Variants in PATJ observed in about 807,000 individuals in gnomAD.
PATJ encodes the protein PATJ crumbs cell polarity complex component, also known as inaD-like protein.
In PATJ, 190 loss-of-function variants were observed where a neutral mutation model predicts 224.9. The observed-to-expected ratio is 0.84, with a 90% CI of 0.75 to 0.95. The LOEUF (loss-of-function observed/expected upper bound fraction) is 0.95, where lower values mean the gene tolerates loss of function less well. PATJ is among the 40% of genes least tolerant of loss of function. The probability of loss-of-function intolerance (pLI) is 0.00; values close to 1 mark genes in which losing one functional copy is unlikely to be tolerated. For synonymous variants in PATJ, 769 were observed against 820.3 expected, an observed-to-expected ratio of 0.94 and a Z score of 1.07; for missense variants, 2,121 against 2,270.3, an observed-to-expected ratio of 0.93 and a Z score of 1.34.
intron 27 of PATJ, 50 bp from the exon 28 acceptor site, chr1:61,990,118 T>TA: frequency 7.8e-7 from 1 of 1,287,610 alleles, no homozygotes; most frequent in Non-Finnish European, 1.1e-6. Context: ...GACATCTCAA[T>TA]AATACAGATC....
intron 27 of PATJ, among the ~76,000 whole-genome samples, chr1:61,960,287 A>T (rs1681081859): frequency 6.6e-6 from 1 of 152,222 alleles, no homozygotes; most frequent in Non-Finnish European, 1.5e-5. Context: ...CATAATACAT[A>T]TGAAATGCAG....
chr1:62,151,698 A>G (rs1668656775), intron 42 of PATJ, among the ~76,000 whole-genome samples: 1 of 152,234 alleles, frequency 6.6e-6, no homozygotes, highest in Non-Finnish European at 1.5e-5. Context: ...CCATTTTGCA[A>G]ATTTCTCTAA....
intron 22 of PATJ, among the ~76,000 whole-genome samples, chr1:61,890,079 A>G (rs2149102811): frequency 6.6e-6 from 1 of 152,260 alleles, no homozygotes; most frequent in East Asian, 1.9e-4. Flanking sequence ...ATTATGAGTG[A>G]TGTTCATATC....
chr1:62,033,418 A>G (rs1649704742), intron 29 of PATJ, among the ~76,000 whole-genome samples: 1 of 152,196 alleles, frequency 6.6e-6, no homozygotes, highest in South Asian at 2.1e-4. Context: ...GCAGCTCTAG[A>G]GATGTCAGCA....
At chr1:61,814,553 C>CGT (rs1557693700) in intron 14 of PATJ, among the ~76,000 whole-genome samples, 4 of 129,898 alleles carry the variant, frequency 3.1e-5, no homozygotes, top group Non-Finnish European at 4.7e-5. Flanking sequence ...TGTGTGCGCG[C>CGT]GCGCGCGCAT....
At chr1:61,879,268 C>G (rs1371532649) in intron 21 of PATJ, among the ~76,000 whole-genome samples, 2 of 151,984 alleles carry the variant, frequency 1.3e-5, no homozygotes, top group African/African-American at 4.8e-5. Context: ...CACAAGTTGC[C>G]TTGGTTATTC....
chr1:62,130,745 G>A (rs1188366866), intron 41 of PATJ, among the ~76,000 whole-genome samples: 1 of 152,072 alleles, frequency 6.6e-6, no homozygotes, highest in Non-Finnish European at 1.5e-5. Context: ...CAGCTACTGG[G>A]GAGGCTGAGG....
intron 31 of PATJ, among the ~76,000 whole-genome samples, chr1:62,066,387 C>CTT (rs200726650): frequency 4.1e-5 from 6 of 145,002 alleles, no homozygotes; most frequent in African/African-American, 1.3e-4. Context: ...GCTGTGGGAA[C>CTT]TTTTTTTTTT....
At chr1:61,758,417 T>TGG (rs1201380025) in intron 1 of PATJ, among the ~76,000 whole-genome samples, 1 of 152,138 alleles carries the variant, frequency 6.6e-6, no homozygotes, top group Non-Finnish European at 1.5e-5. Flanking sequence ...GGCATGATCT[T>TGG]GGCTCACTGC....
chr1:61,982,275 G>C (rs1479871187), intron 27 of PATJ, among the ~76,000 whole-genome samples: 1 of 152,016 alleles, frequency 6.6e-6, no homozygotes, highest in Non-Finnish European at 1.5e-5. Context: ...TCTGAATCCT[G>C]ACAATAACAA....
At chr1:62,117,768 G>A (rs927920343) in intron 37 of PATJ, among the ~76,000 whole-genome samples, 2 of 150,792 alleles carry the variant, frequency 1.3e-5, no homozygotes, top group Admixed American at 1.3e-4. Flanking sequence ...TTTTTTTTTA[G>A]CAAAGTATAT....
chr1:62,079,576 C>T lies in PATJ; in HGVS notation c.4243+9C>T. The T allele has an allele frequency of 6.5e-7, 1 of 1,540,312 alleles. No homozygotes were observed. The highest frequency in any genetic ancestry group is 9.0e-7 in the Non-Finnish European group (1 of 1,114,366). ...AGACTTCACAGGCTATGGTATGATT[C>T]TTTCTCTCAGCAGATCTGGCTCATT... On this transcript the variant is annotated intron_variant, in intron 32 of 43. Transcript: ENST00000642238.
At chr1:62,042,433 C>T (rs1020337816) in intron 30 of PATJ, among the ~76,000 whole-genome samples, 1 of 152,066 alleles carries the variant, frequency 6.6e-6, no homozygotes, top group Non-Finnish European at 1.5e-5. Flanking sequence ...TCTTTTTCCC[C>T]CTTAGATGTT....
intron 27 of PATJ, among the ~76,000 whole-genome samples, chr1:61,974,170 A>T (rs1643982635): frequency 6.6e-6 from 1 of 151,902 alleles, no homozygotes; most frequent in Admixed American, 6.6e-5. Flanking sequence ...AAGGCTTCAA[A>T]GGACATGTCG....
intron 33 of PATJ, among the ~76,000 whole-genome samples, chr1:62,089,649 A>G (rs1660468097): frequency 1.3e-5 from 2 of 152,240 alleles, no homozygotes; most frequent in South Asian, 4.2e-4. Flanking sequence ...ATTATTTACC[A>G]CAATGCAAAT....
chr1:61,817,445 C>T (rs1461385742), intron 14 of PATJ, among the ~76,000 whole-genome samples: 3 of 152,090 alleles, frequency 2.0e-5, no homozygotes, highest in Admixed American at 6.5e-5. Flanking sequence ...GGGTGGATCA[C>T]CTGAGGTCAG....
chr1:61,797,486 A>G, intron 11 of PATJ, 58 bp downstream of exon 11: 1 of 1,464,340 alleles, frequency 6.8e-7, no homozygotes, highest in Non-Finnish European at 9.5e-7. Flanking sequence ...AGAGCAGTTC[A>G]ATTATGGAAG....
At chr1:61,997,982 T>TTTTTTATATATATA (rs374175697) in intron 28 of PATJ, among the ~76,000 whole-genome samples, 1 of 118,338 alleles carries the variant, frequency 8.5e-6, no homozygotes, top group Non-Finnish European at 1.6e-5. Context: ...TGTGCCCAGC[T>TTTTTTATATATATA]TATATATGTA....
At chr1:61,907,777 T>G (rs1672054719) in intron 24 of PATJ, among the ~76,000 whole-genome samples, 1 of 152,210 alleles carries the variant, frequency 6.6e-6, no homozygotes, top group Non-Finnish European at 1.5e-5. Flanking sequence ...TCTTGGAGAT[T>G]TATGGGCATG....
Sources: allele counts gnomAD v4.1 joint callset (sites outside exome capture counted in the v4.1 genomes callset), GRCh38; gene constraint gnomAD v4.1.1; transcripts MANE v1.5; gene names NCBI Gene and HGNC (gene_info 2026-07-23, HGNC 2026-07-21).